The following SPOCK3 variants were observed in gnomAD, a reference collection of about 807,000 sequenced individuals.
The protein encoded by SPOCK3 is testican-3.
Under a neutral mutation model 56.6 loss-of-function variants are expected in SPOCK3, and 30 were observed. That is an observed-to-expected ratio of 0.53 (90% CI 0.40 to 0.72). SPOCK3 has a LOEUF of 0.72. Among genes scored for constraint, SPOCK3 ranks in the 30% least tolerant of loss-of-function variants. The pLI is 0.00. For synonymous variants in SPOCK3, 196 were observed against 183.3 expected (o/e 1.07, Z -0.56); for missense variants, 527 against 530.0 (o/e 0.99, Z 0.06).
intron 3 of SPOCK3, among the ~76,000 whole-genome samples, chr4:167,030,954 G>A (rs1256075395): frequency 1.1e-4 from 16 of 151,986 alleles, no homozygotes; most frequent in Non-Finnish European, 2.2e-4. Flanking sequence ...TCCCGTCTGT[G>A]AGATATTTGT....
chr4:167,083,061 G>A (rs531794114), intron 2 of SPOCK3, among the ~76,000 whole-genome samples: 17 of 152,096 alleles, frequency 1.1e-4, no homozygotes, highest in South Asian at 4.1e-4. Flanking sequence ...AGACAACGTC[G>A]TTGTAAAAAC....
chr4:166,810,324 T>G (rs1743639071), intron 6 of SPOCK3, among the ~76,000 whole-genome samples: 1 of 152,116 alleles, frequency 6.6e-6, no homozygotes, highest in Non-Finnish European at 1.5e-5. Flanking sequence ...AACATTAGTT[T>G]TATTTAATTT....
intron 4 of SPOCK3, among the ~76,000 whole-genome samples, chr4:166,968,022 G>T (rs1051511621): frequency 1.4e-4 from 21 of 152,226 alleles, no homozygotes; most frequent in Non-Finnish European, 2.6e-4. Context: ...ATGGCAGTGT[G>T]TCCCTCCTCT....
intron 6 of SPOCK3, among the ~76,000 whole-genome samples, chr4:166,847,650 TATATATATA>T (rs1748214439): frequency 7.9e-5 from 6 of 76,202 alleles, no homozygotes; most frequent in African/African-American, 4.3e-4. Flanking sequence ...TCCTAGTTTA[TATATATATA>T]TATATATATA....
At chr4:166,849,361 T>C (rs1748437908) in intron 6 of SPOCK3, among the ~76,000 whole-genome samples, 1 of 152,200 alleles carries the variant, frequency 6.6e-6, no homozygotes, top group Admixed American at 6.5e-5. Context: ...TTCTGTACTA[T>C]AGTGGATTGT....
At chr4:166,803,243 T>A (rs931815349) in intron 6 of SPOCK3, among the ~76,000 whole-genome samples, 1 of 152,186 alleles carries the variant, frequency 6.6e-6, no homozygotes, top group African/African-American at 2.4e-5. Flanking sequence ...ACAATTTCTA[T>A]AGCCATTAAA....
intron 6 of SPOCK3, among the ~76,000 whole-genome samples, chr4:166,822,484 T>C (rs1033309445): frequency 9.9e-5 from 15 of 152,062 alleles, no homozygotes; most frequent in African/African-American, 3.6e-4. Flanking sequence ...ATGCATAGAT[T>C]CACCCATAGA....
intron 6 of SPOCK3, among the ~76,000 whole-genome samples, chr4:166,870,286 C>A (rs1732321262): frequency 6.6e-6 from 1 of 151,958 alleles, no homozygotes; most frequent in African/African-American, 2.4e-5. Flanking sequence ...TTGAAGACTT[C>A]AACATTTATC....
chr4:166,805,628 G>C (rs1409658198), intron 6 of SPOCK3, among the ~76,000 whole-genome samples: 1 of 152,022 alleles, frequency 6.6e-6, no homozygotes, highest in Non-Finnish European at 1.5e-5. Context: ...AACCTGCCAA[G>C]AACTGCTTTT....
chr4:167,109,056 A>G (rs1359014612), intron 2 of SPOCK3, among the ~76,000 whole-genome samples: 2 of 3,754 alleles, frequency 5.3e-4, no homozygotes, highest in Non-Finnish European at 8.0e-4. Context: ...ATAAAAATAT[A>G]TATAAATATT....
intron 6 of SPOCK3, 54 bp downstream of exon 6, chr4:166,889,076 C>A (rs927988082): frequency 3.1e-5 from 35 of 1,116,922 alleles, no homozygotes; most frequent in East Asian, 1.7e-4. Flanking sequence ...TATTGCAAAA[C>A]ATTTTAGTAG....
chr4:167,156,980 T>A (rs975925483), intron 2 of SPOCK3, among the ~76,000 whole-genome samples: 15 of 152,240 alleles, frequency 9.9e-5, no homozygotes, highest in African/African-American at 3.4e-4. Context: ...GATCTGAAAT[T>A]CTGACAGTAA....
At chr4:166,913,663 C>T (rs1317135364) in intron 4 of SPOCK3, among the ~76,000 whole-genome samples, 1 of 151,750 alleles carries the variant, frequency 6.6e-6, no homozygotes, top group Non-Finnish European at 1.5e-5. Flanking sequence ...AAATAGTGGT[C>T]CCAAAAGACT....
At chr4:167,009,112 C>T (rs1749764990) in intron 3 of SPOCK3, among the ~76,000 whole-genome samples, 2 of 152,168 alleles carry the variant, frequency 1.3e-5, no homozygotes, top group Admixed American at 6.5e-5. Flanking sequence ...ATTTATCCTT[C>T]AATAATGTCT....
chr4:167,150,637 A>G (rs939936079), intron 2 of SPOCK3, among the ~76,000 whole-genome samples: 8 of 152,204 alleles, frequency 5.3e-5, no homozygotes, highest in Admixed American at 3.9e-4. Context: ...ATAAATCACT[A>G]TAGTGGTATG....
At chr4:167,146,092 C>G (rs969555082) in intron 2 of SPOCK3, among the ~76,000 whole-genome samples, 1 of 151,898 alleles carries the variant, frequency 6.6e-6, no homozygotes, top group Admixed American at 6.6e-5. Flanking sequence ...TACACAGAGG[C>G]TCAAAATAAA....
At chr4:167,214,442 T>A (rs1340554548) in intron 2 of SPOCK3, among the ~76,000 whole-genome samples, 1 of 152,080 alleles carries the variant, frequency 6.6e-6, no homozygotes, top group Non-Finnish European at 1.5e-5. Context: ...ATGATTTCAA[T>A]TTTGTTTGGG....
At chr4:167,161,261 T>A (rs1000751329) in intron 2 of SPOCK3, among the ~76,000 whole-genome samples, 13 of 152,272 alleles carry the variant, frequency 8.5e-5, no homozygotes, top group African/African-American at 2.9e-4. Flanking sequence ...AAAGAAGACA[T>A]TTATGCAGCC....
intron 2 of SPOCK3, among the ~76,000 whole-genome samples, chr4:167,169,829 A>T (rs1252137406): frequency 1.3e-5 from 2 of 152,126 alleles, no homozygotes; most frequent in Non-Finnish European, 2.9e-5. Flanking sequence ...CAATAAATGA[A>T]TCATGAGGTG....
Sources: allele counts gnomAD v4.1 joint callset (sites outside exome capture counted in the v4.1 genomes callset), GRCh38; gene constraint gnomAD v4.1.1; transcripts MANE v1.5; gene names NCBI Gene and HGNC (gene_info 2026-07-23, HGNC 2026-07-21).